The following FOXN3 variants were observed in gnomAD, a reference collection of about 807,000 sequenced individuals.
FOXN3 encodes forkhead box N3, also known as forkhead box protein N3.
FOXN3 carries 7 observed loss-of-function variants against 38.4 expected under a neutral mutation model. The observed-to-expected ratio is 0.18, with a 90% CI of 0.10 to 0.34. The LOEUF (loss-of-function observed/expected upper bound fraction) is 0.34, where lower values mean the gene tolerates loss of function less well. Among genes scored for constraint, FOXN3 ranks in the 10% least tolerant of loss-of-function variants. The probability of loss-of-function intolerance (pLI) is 1.00; values close to 1 mark genes in which losing one functional copy is unlikely to be tolerated. For synonymous variants in FOXN3, 230 were observed against 242.2 expected (o/e 0.95, Z 0.47); for missense variants, 456 against 613.4 (o/e 0.74, Z 2.71).
chr14:89,244,152 C>T (rs927710720), intron 4 of FOXN3, among the ~76,000 whole-genome samples: 13 of 152,192 alleles, frequency 8.5e-5, no homozygotes, highest in African/African-American at 3.1e-4. Context: ...GGTGAAATCA[C>T]CCCTGAGAAA....
Position 89,157,573 on chromosome 14 carries a change from A to G in FOXN3, c.*4841T>C, listed in dbSNP as rs1388945312. 1 of 152,650 alleles carries G rather than the reference A, an allele frequency of 6.6e-6. No homozygotes were observed. Among genetic ancestry groups the G allele is most frequent in the African/African-American group, 2.4e-5 (1 of 41,446 alleles). 9.5% of individuals were successfully genotyped at this position (152,650 alleles called of 1,614,324 possible). On this transcript the variant is annotated 3_prime_UTR_variant, in exon 6 of 6. Transcript: ENST00000557258. ...AACTCCAGAAACAGGAACACCACAC[A>G]ATGTATATACTTTGATTTACACATT...
Position 89,417,202 on chromosome 14 carries a change from G to C in FOXN3, c.-346C>G, listed in dbSNP as rs1891767879. ...GGGGCGCGCCGAGCGGCGAGAAATT[G>C]TTTCCACTGCAAACAAAAAAAGGCG... On this transcript the variant is annotated 5_prime_UTR_variant, in exon 1 of 6. Transcript: ENST00000557258. 6.9e-6 allele frequency: 1 copy of C among 144,684 alleles called. No homozygotes were observed. Among genetic ancestry groups the C allele is most frequent in the Admixed American group, 6.8e-5 (1 of 14,660 alleles). 9.0% of individuals were successfully genotyped at this position (144,684 alleles called of 1,614,324 possible).
chr14:89,439,845 G>A (rs1043201358), intron 1 of FOXN3, among the ~76,000 whole-genome samples: 3 of 151,756 alleles, frequency 2.0e-5, no homozygotes, highest in Admixed American at 1.3e-4. Context: ...TAGTAGAGAC[G>A]GGGTTTCACC....
intron 1 of FOXN3, among the ~76,000 whole-genome samples, chr14:89,449,781 C>T (rs1892578101): frequency 6.6e-6 from 1 of 152,114 alleles, no homozygotes; most frequent in South Asian, 2.1e-4. Context: ...GCTTTGCCCC[C>T]CTCCCTCCCT....
intron 4 of FOXN3, among the ~76,000 whole-genome samples, chr14:89,239,079 G>C: frequency 6.6e-6 from 1 of 152,192 alleles, no homozygotes; most frequent in Non-Finnish European, 1.5e-5. Flanking sequence ...ATGAGATAGT[G>C]TTAAACAGTT....
At chr14:89,194,717 T>TAAAAA (rs36091299) in intron 4 of FOXN3, among the ~76,000 whole-genome samples, 10 of 146,974 alleles carry the variant, frequency 6.8e-5, no homozygotes, top group African/African-American at 9.9e-5. Flanking sequence ...GTGCTCACTG[T>TAAAAA]AAAAAAAAAA....
intron 4 of FOXN3, among the ~76,000 whole-genome samples, chr14:89,239,678 C>T (rs1885087363): frequency 6.6e-6 from 1 of 152,178 alleles, no homozygotes; most frequent in Non-Finnish European, 1.5e-5. Context: ...TCAGTCTTAG[C>T]CCATGCCTCT....
intron 1 of FOXN3, among the ~76,000 whole-genome samples, chr14:89,609,258 G>A (rs1411930746): frequency 6.6e-6 from 1 of 152,128 alleles, no homozygotes; most frequent in Admixed American, 6.5e-5. Context: ...CTGGAGTGTA[G>A]TGGCGCAATC....
intron 1 of FOXN3, among the ~76,000 whole-genome samples, chr14:89,512,989 C>T (rs1289427352): frequency 6.6e-6 from 1 of 151,700 alleles, no homozygotes; most frequent in Non-Finnish European, 1.5e-5. Context: ...AAAATACAAA[C>T]ATTAGCCGGA....
Position 89,333,984 on chromosome 14 carries a change from ATATATATATATATATATATATATATG to A in FOXN3, c.680+16662_680+16687del, listed in dbSNP as rs1226624031. ...GTGGTGTGTATATATATATATATATATATATATATATATATATATATATATGTATATAAATGTGGTATACACACACA... is the reference window on the plus strand; with the variant it reads ...GTGGTGTGTATATATATATATATATATATATAAATGTGGTATACACACACA... On this transcript the variant is annotated intron_variant, in intron 3 of 5. Coordinates refer to ENST00000557258, the MANE Select transcript of FOXN3 (RefSeq NM_005197.4). 1.4e-3 allele frequency among the ~76,000 whole-genome samples: 31 copies of A among 21,482 alleles called. No individual in the cohort carries two copies. In the South Asian group the frequency reaches 0.02, roughly 14 times the overall value. The allele number at this position is 21,482 out of a possible 152,430, so 14.1% of individuals were successfully genotyped here.
At chr14:89,467,800 C>CTTTCTTTTTTTTTTTTTTTTTTTTT (rs1383456566) in intron 1 of FOXN3, among the ~76,000 whole-genome samples, 1 of 57,896 alleles carries the variant, frequency 1.7e-5, no homozygotes, top group African/African-American at 5.3e-5. Context: ...TCTTTTCTTT[C>CTTTCTTTTTTTTTTTTTTTTTTTTT]TTTGTTTTTT....
At chr14:89,305,094 C>T (rs761490125) in intron 3 of FOXN3, among the ~76,000 whole-genome samples, 4 of 152,108 alleles carry the variant, frequency 2.6e-5, no homozygotes, top group East Asian at 1.9e-4. Flanking sequence ...ACGCTGAGCC[C>T]GGCTGATCTG....
At chr14:89,358,071 A>C (rs958586161) in intron 2 of FOXN3, among the ~76,000 whole-genome samples, 4 of 152,214 alleles carry the variant, frequency 2.6e-5, no homozygotes, top group Admixed American at 1.3e-4. Flanking sequence ...AGGTCCTCTA[A>C]TGCATGGCCA....
At chr14:89,228,497 G>T (rs1372942973) in intron 4 of FOXN3, among the ~76,000 whole-genome samples, 2 of 152,148 alleles carry the variant, frequency 1.3e-5, no homozygotes, top group Non-Finnish European at 2.9e-5. Context: ...TAAATAATTT[G>T]TTTTATTCTT....
rs929087189 is a variant in FOXN3, at chr14:89,353,638, T to G, written c.544-2830A>C. The G allele has an allele frequency of 2.0e-5, 3 of 152,368 alleles. No individual in the cohort carries two copies. The East Asian group carries it at 5.8e-4, about 29-fold the overall frequency. 9.4% of individuals were successfully genotyped at this position (152,368 alleles called of 1,614,324 possible). On this transcript the variant is annotated intron_variant, in intron 2 of 5. Coordinates refer to ENST00000557258, the MANE Select transcript of FOXN3 (RefSeq NM_005197.4). ...CTACTATCACTGACTCATGACTACCTGGCTGCTGAAAGTCTTTTGCCCAGG... is the reference window on the plus strand; with the variant it reads ...CTACTATCACTGACTCATGACTACCGGGCTGCTGAAAGTCTTTTGCCCAGG...
At chr14:89,292,975 G>A (rs1012755271) in intron 3 of FOXN3, among the ~76,000 whole-genome samples, 5 of 152,144 alleles carry the variant, frequency 3.3e-5, no homozygotes, top group South Asian at 2.1e-4. Flanking sequence ...GCCTGGGTTC[G>A]GCTCCTCCCA....
At chr14:89,385,307 C>T (rs145090735) in intron 2 of FOXN3, among the ~76,000 whole-genome samples, 1,971 of 151,982 alleles carry the variant, frequency 0.013, 28 homozygotes, top group Admixed American at 0.038. Flanking sequence ...AGAGAGGGTC[C>T]GGGAGGTCTA....
chr14:89,268,842 G>A (rs1019788895), intron 4 of FOXN3, among the ~76,000 whole-genome samples: 3 of 152,172 alleles, frequency 2.0e-5, no homozygotes, highest in Non-Finnish European at 4.4e-5. Context: ...GTCCTGACAG[G>A]GTTCCTGGAA....
chr14:89,297,329 G>A (rs1022479313), intron 3 of FOXN3, among the ~76,000 whole-genome samples: 4 of 152,024 alleles, frequency 2.6e-5, no homozygotes, highest in East Asian at 3.9e-4. Context: ...TTGGGAAGCC[G>A]AGGCGGGCGG....
Sources: gnomAD v4.1 joint callset for allele counts (sites outside exome capture counted in the v4.1 genomes callset) on GRCh38, gnomAD v4.1.1 for gene constraint, MANE v1.5 for transcripts, NCBI Gene and HGNC (gene_info 2026-07-23, HGNC 2026-07-21) for gene names.